The following TNRC18 variants were observed in gnomAD, a reference collection of about 807,000 sequenced individuals.
TNRC18 encodes trinucleotide repeat containing 18.
TNRC18 carries 69 observed loss-of-function variants against 226.7 expected under a neutral mutation model. The ratio of observed to expected loss-of-function variants is 0.30; its 90% CI spans 0.25 to 0.37. The LOEUF (loss-of-function observed/expected upper bound fraction) is 0.37, where lower values mean the gene tolerates loss of function less well. Ranked by LOEUF, TNRC18 falls within the 10% of genes least tolerant of loss-of-function variation. The pLI is 1.00. For missense variants in TNRC18, 4,754 were observed against 4,256.6 expected, an observed-to-expected ratio of 1.12 and a Z score of -3.25; for synonymous variants, 2,449 against 1,927.6, an observed-to-expected ratio of 1.27 and a Z score of -7.09.
At chr7:5,347,162 G>A (rs1198602707) in intron 17 of TNRC18, among the ~76,000 whole-genome samples, 2 of 150,810 alleles carry the variant, frequency 1.3e-5, no homozygotes, top group Non-Finnish European at 2.9e-5. Flanking sequence ...GGGCGACAGA[G>A]CAAACCTTGT....
Position 5,376,865 on chromosome 7 carries a change from C to G in TNRC18, c.2590G>C (p.Asp864His), listed in dbSNP as rs1779015995. ...CACTTACCAAAGTGAGGAAGGTGAT[C>G]ACTGGGAATGACCACCAGCTGGCCC... ...QSGQLVVIPSDHLPHFAELME... is the reference protein window; with the variant it reads ...QSGQLVVIPSHHLPHFAELME... The change falls in exon 8 of 30, where the codon GAT becomes CAT. Residue 864 changes from aspartate to histidine, a missense_variant. Coordinates refer to ENST00000430969, the MANE Select transcript of TNRC18 (RefSeq NM_001080495.3). 6.2e-7 allele frequency: 1 copy of G among 1,611,570 alleles called. No homozygotes were observed. Among genetic ancestry groups the G allele is most frequent in the Admixed American group, 1.7e-5 (1 of 59,738 alleles).
chr7:5,374,974 C>T lies in TNRC18; in HGVS notation c.2800-490G>A, dbSNP rs193042209. Among the ~76,000 whole-genome samples, 78 of 152,292 alleles carry T rather than the reference C, an allele frequency of 5.1e-4. No individual in the cohort carries two copies. In the East Asian group the frequency reaches 0.01, roughly 20 times the overall value. ...ATGAGGAAATGGGAGGGAGTCAGCT[C>T]GGCGACCACCAATGCCTACCTGGGC... On this transcript the variant is annotated intron_variant, in intron 9 of 29. Transcript: ENST00000430969.
At chr7:5,410,764 G>T (rs1028193462) in intron 2 of TNRC18, among the ~76,000 whole-genome samples, 1 of 150,358 alleles carries the variant, frequency 6.7e-6, no homozygotes, top group Non-Finnish European at 1.5e-5. Context: ...TACTTGGAAG[G>T]CTGAGGCTTC....
chr7:5,312,816 C>T lies in TNRC18; in HGVS notation c.8075G>A (p.Gly2692Asp), dbSNP rs1460399156. Residue 2692 changes from glycine (G) to aspartate (D), a missense_variant, in exon 27 of 30, where the codon GGC (glycine) becomes GAC (aspartate). Coordinates refer to ENST00000430969, the MANE Select transcript of TNRC18 (RefSeq NM_001080495.3). The surrounding 1 kb of genome is among the most constrained non-coding windows in gnomAD (Gnocchi z 6.3). Reference protein sequence around the residue: ...DDEAAPAPTAGPSAQAALPTK... With the variant: ...DDEAAPAPTADPSAQAALPTK... The stretch of plus-strand genomic sequence containing the variant: ...GGGGAGCGCCGCCTGCGCGGAAGGG[C>T]CAGCCGTGGGGGCGGGGGCTGCCTC... 1 of 1,534,318 alleles carries T rather than the reference C, an allele frequency of 6.5e-7. No homozygotes were observed. The highest frequency in any genetic ancestry group is 8.7e-7 in the Non-Finnish European group (1 of 1,144,178).
chr7:5,422,041 TGGGA>T (rs1159131540), intron 1 of TNRC18, among the ~76,000 whole-genome samples: 3 of 151,684 alleles, frequency 2.0e-5, no homozygotes, highest in Admixed American at 2.0e-4. Flanking sequence ...TTTCTGGGGG[TGGGA>T]GGAGGGAGGG....
chr7:5,420,526 G>A (rs1335602485), intron 2 of TNRC18: 1 of 446,240 alleles, frequency 2.2e-6, no homozygotes, highest in African/African-American at 2.0e-5. Flanking sequence ...CCCAAGGCTG[G>A]GGTCACCGTA....
intron 21 of TNRC18, among the ~76,000 whole-genome samples, chr7:5,321,508 A>G (rs2128113965): frequency 6.6e-6 from 1 of 151,962 alleles, no homozygotes; most frequent in African/African-American, 2.4e-5. Context: ...GCCTCTTCCC[A>G]CCTCAAGACC....
At chr7:5,328,505 C>A (rs1255118841) in intron 19 of TNRC18, among the ~76,000 whole-genome samples, 16 of 128,502 alleles carry the variant, frequency 1.2e-4, no homozygotes, top group Admixed American at 1.1e-3. Context: ...ACCTTCCCCG[C>A]CGCCGCCTTT....
At chr7:5,392,015 C>G (rs1028107406) in intron 3 of TNRC18, among the ~76,000 whole-genome samples, 1 of 151,872 alleles carries the variant, frequency 6.6e-6, no homozygotes, top group Non-Finnish European at 1.5e-5. Flanking sequence ...GTACCCCATA[C>G]CCAGCTGCCC....
intron 18 of TNRC18, among the ~76,000 whole-genome samples, chr7:5,339,447 C>A (rs1484690100): frequency 6.6e-6 from 1 of 151,812 alleles, no homozygotes; most frequent in Non-Finnish European, 1.5e-5. Flanking sequence ...ACCATGTTGG[C>A]CAGGCTGGTC....
In TNRC18 at chr7:5,400,234, A is replaced by C. The variant is rs181590955; in HGVS notation, c.188-5639T>G. On this transcript the variant is annotated intron_variant, in intron 2 of 29. Coordinates refer to ENST00000430969, the MANE Select transcript of TNRC18 (RefSeq NM_001080495.3). The stretch of plus-strand genomic sequence containing the variant: ...TATTATTTATGGTTACAAACCCTGG[A>C]GCTCAGAGAAGCTAAAAGCACCTAC... Among the ~76,000 whole-genome samples the C allele has an allele frequency of 3.0e-4, 45 of 152,116 alleles. No homozygotes were observed. The East Asian group carries it at 8.7e-3, about 29-fold the overall frequency.
rs1788744583 is a variant in TNRC18, at chr7:5,324,957, C to CT, written c.6300+138_6300+139insA. On this transcript the variant is annotated intron_variant, in intron 20 of 29. Transcript: ENST00000430969. The surrounding 1 kb of genome is among the most constrained non-coding windows in gnomAD (Gnocchi z 4.8). ...CCCTGGAGTGTGGGGACGGCCACAT[C>CT]ACCCTCGTCACCCGCAACCTCTCTG... is the stretch of plus-strand genomic sequence containing the variant. 1 of 994,830 alleles carries CT rather than the reference C, an allele frequency of 1.0e-6. No individual in the cohort carries two copies. The highest frequency in any genetic ancestry group is 1.7e-5 in the African/African-American group (1 of 60,324). The allele number at this position is 994,830 out of a possible 1,614,324, so 61.6% of individuals were successfully genotyped here.
intron 16 of TNRC18, 149 bp downstream of exon 16, chr7:5,356,767 G>A (rs1792443946): frequency 1.7e-6 from 2 of 1,158,782 alleles, no homozygotes; most frequent in South Asian, 2.0e-5. Context: ...TGGAGGCCAT[G>A]CCAAGCTCAG....
chr7:5,411,863 T>C (rs1050585065), intron 2 of TNRC18, among the ~76,000 whole-genome samples: 4 of 151,850 alleles, frequency 2.6e-5, no homozygotes, highest in African/African-American at 4.8e-5. Flanking sequence ...ATCCAATAGA[T>C]ATGACAAGTG....
chr7:5,325,398 G>A lies in TNRC18; in HGVS notation c.6148-150C>T. 2.4e-6 allele frequency: 2 copies of A among 831,834 alleles called. 1 individual carries two copies. Among genetic ancestry groups the A allele is most frequent in the South Asian group, 3.6e-5 (2 of 56,314 alleles). 51.5% of individuals were successfully genotyped at this position (831,834 alleles called of 1,614,324 possible). ...CAAAACACCCCTTCTCTCTCTTCCTGCAAGCGTTTTTGGTTTTGGGTTTTT... is the reference window on the plus strand; with the variant it reads ...CAAAACACCCCTTCTCTCTCTTCCTACAAGCGTTTTTGGTTTTGGGTTTTT... On this transcript the variant is annotated intron_variant, in intron 19 of 29. Coordinates refer to ENST00000430969, the MANE Select transcript of TNRC18 (RefSeq NM_001080495.3).
chr7:5,315,473 G>C (rs1391107584), intron 25 of TNRC18, among the ~76,000 whole-genome samples: 4 of 151,506 alleles, frequency 2.6e-5, no homozygotes, highest in Non-Finnish European at 2.9e-5. Context: ...CGCCAGGATG[G>C]AGTGCAGTGG....
In TNRC18 at chr7:5,370,827, T is replaced by C; in HGVS notation, c.3767A>G (p.Glu1256Gly). ...CACCTCCACCGGCTCCTCCTTGGCC[T>C]CCACCAGTGTCTCGGGTGTCAGCTG... ...GVQLTPETLVEAKEEPVEVPV... is the reference protein window; with the variant it reads ...GVQLTPETLVGAKEEPVEVPV... Residue 1256 changes from glutamate (E) to glycine (G), a missense_variant, in exon 11 of 30, where the codon GAG becomes GGG. Physicochemically the swap from Glu to Gly is moderately conservative, Grantham distance 98. Coordinates refer to ENST00000430969, the MANE Select transcript of TNRC18 (RefSeq NM_001080495.3). 1 of 1,609,184 alleles carries C rather than the reference T, an allele frequency of 6.2e-7. No homozygotes were observed. Among genetic ancestry groups the C allele is most frequent in the South Asian group, 1.1e-5 (1 of 90,952 alleles).
At chr7:5,364,479 ACACACACACAC>A (rs1793414441) in intron 11 of TNRC18, among the ~76,000 whole-genome samples, 1 of 109,014 alleles carries the variant, frequency 9.2e-6, no homozygotes, top group African/African-American at 4.1e-5. Flanking sequence ...ACACACACAC[ACACACACACAC>A]ACACACACAC....
At chr7:5,411,430 A>G (rs1781836342) in intron 2 of TNRC18, among the ~76,000 whole-genome samples, 1 of 150,710 alleles carries the variant, frequency 6.6e-6, no homozygotes, top group Non-Finnish European at 1.5e-5. Flanking sequence ...AGGCAGGAGA[A>G]TCACCTGAAC....
Sources: allele counts gnomAD v4.1 joint callset (sites outside exome capture counted in the v4.1 genomes callset), GRCh38; gene constraint gnomAD v4.1.1; non-coding constraint Gnocchi (gnomAD v3.1); transcripts MANE v1.5; gene names NCBI Gene and HGNC (gene_info 2026-07-23, HGNC 2026-07-21).